The following PPP1R3G variants were observed in gnomAD, a reference collection of about 807,000 sequenced individuals.
PPP1R3G encodes protein phosphatase 1 regulatory subunit 3G, also known as protein phosphatase 1, regulatory (inhibitor) subunit 3G.
PPP1R3G carries 3 observed loss-of-function variants against 2.0 expected under a neutral mutation model. The observed-to-expected ratio is 1.47, with a 90% CI of 0.67 to 3.81. The LOEUF is 3.81. PPP1R3G is among the 30% of genes most tolerant of loss of function. The pLI is 0.02. For missense variants in PPP1R3G, 595 were observed against 517.0 expected, an observed-to-expected ratio of 1.15 and a Z score of -1.46; for synonymous variants, 267 against 250.9, an observed-to-expected ratio of 1.06 and a Z score of -0.61.
rs1487009892 is a variant in PPP1R3G, at chr6:5,085,960, G to C, written c.475G>C (p.Ala159Pro). ...SEAEEPQVPP[A>P]VLSRLRSFPM... ...GGCGGAGGAGCCGCAGGTGCCGCCC[G>C]CCGTGCTCTCGCGCCTCCGAAGCTT... Residue 159 changes from alanine (A) to proline (P), a missense_variant, in exon 1 of 1, where the codon GCC becomes CCC. Ala to Pro is a conservative substitution (Grantham distance 27). Transcript: ENST00000405617. 5 of 1,527,544 alleles carry C rather than the reference G, an allele frequency of 3.3e-6. No individual in the cohort carries two copies. Among genetic ancestry groups the C allele is most frequent in the Non-Finnish European group, 4.4e-6 (5 of 1,143,810 alleles). The allele number at this position is 1,527,544 out of a possible 1,614,324, so 94.6% of individuals were successfully genotyped here.
Position 5,086,332 on chromosome 6 carries a change from G to T in PPP1R3G, c.847G>T (p.Ala283Ser), listed in dbSNP as rs1381591492. The T allele has an allele frequency of 2.0e-6, 3 of 1,535,810 alleles. No individual in the cohort carries two copies. The highest frequency in any genetic ancestry group is 2.6e-6 in the Non-Finnish European group (3 of 1,146,732). Residue 283 changes from alanine (A) to serine (S), a missense_variant, in exon 1 of 1, where the codon GCC becomes TCC. Coordinates refer to ENST00000405617, the MANE Select transcript of PPP1R3G (RefSeq NM_001145115.3). ...ACAGCAGCCAGAGGCACCGTCTGGG[G>T]CCTCCGAGCCAGGGTCCGGGGATGC... ...EPQQPEAPSG[A>S]SEPGSGDAKK...
rs1762041436 is a variant in PPP1R3G, at chr6:5,086,639, C to G, written c.*77C>G. The G allele has an allele frequency of 8.2e-7, 1 of 1,223,042 alleles. No individual in the cohort carries two copies. Among genetic ancestry groups the G allele is most frequent in the Non-Finnish European group, 1.1e-6 (1 of 901,122 alleles). 75.8% of individuals were successfully genotyped at this position (1,223,042 alleles called of 1,614,324 possible). A position where few individuals can be genotyped will look rare whatever the true frequency, so the allele number is the denominator to read the frequency against. On this transcript the variant is annotated 3_prime_UTR_variant, in exon 1 of 1. Coordinates refer to ENST00000405617, the MANE Select transcript of PPP1R3G (RefSeq NM_001145115.3). ...TCGGGCTGCCGCCTCAAGGAACTTG[C>G]TGGGACGCTTTGCTGAGCGTGGCGA... is the stretch of plus-strand genomic sequence containing the variant.
rs747529000 is a variant in PPP1R3G, at chr6:5,086,607, G to A, written c.*45G>A. ...GCCGTGGGGCGGGGTTGATTAGCACGTGGAGCTCGGGCTGCCGCCTCAAGG... is the reference window on the plus strand; with the variant it reads ...GCCGTGGGGCGGGGTTGATTAGCACATGGAGCTCGGGCTGCCGCCTCAAGG... On this transcript the variant is annotated 3_prime_UTR_variant, in exon 1 of 1. Transcript: ENST00000405617. 5.0e-6 allele frequency: 7 copies of A among 1,405,532 alleles called. No individual in the cohort carries two copies. In the East Asian group the frequency reaches 1.8e-4, roughly 35 times the overall value. 87.1% of individuals were successfully genotyped at this position (1,405,532 alleles called of 1,614,324 possible). A position where few individuals can be genotyped will look rare whatever the true frequency, so the allele number is the denominator to read the frequency against.
Position 5,085,987 on chromosome 6 carries a change from C to T in PPP1R3G, c.502C>T (p.Pro168Ser), listed in dbSNP as rs1351141452. 2 of 1,525,776 alleles carry T rather than the reference C, an allele frequency of 1.3e-6. No homozygotes were observed. The allele number at this position is 1,525,776 out of a possible 1,614,324, so 94.5% of individuals were successfully genotyped here. A position where few individuals can be genotyped will look rare whatever the true frequency, so the allele number is the denominator to read the frequency against. ...PAVLSRLRSF[P>S]MRAEDLEQLG... ...CGTGCTCTCGCGCCTCCGAAGCTTC[C>T]CTATGCGTGCCGAGGACCTGGAGCA... Residue 168 changes from proline to serine, a missense_variant, in exon 1 of 1, where the codon CCT (proline) becomes TCT (serine). Physicochemically the swap from Pro to Ser is moderately conservative, Grantham distance 74 (BLOSUM62 -1). Transcript: ENST00000405617.
In PPP1R3G at chr6:5,087,737, GC is replaced by G; in HGVS notation, c.*1176del. The G allele has an allele frequency of 6.6e-6, 1 of 152,596 alleles. No individual in the cohort carries two copies. The highest frequency in any genetic ancestry group is 2.1e-4 in the South Asian group (1 of 4,834). 9.5% of individuals were successfully genotyped at this position (152,596 alleles called of 1,614,324 possible). A position where few individuals can be genotyped will look rare whatever the true frequency, so the allele number is the denominator to read the frequency against. ...TGCGCAGACGCAGATGGCCACCTCT[GC>G]AGGCCCGTTGGGTGGGGTATGGACG... is the stretch of plus-strand genomic sequence containing the variant. On this transcript the variant is annotated 3_prime_UTR_variant, in exon 1 of 1. Coordinates refer to ENST00000405617, the MANE Select transcript of PPP1R3G (RefSeq NM_001145115.3).
Position 5,087,702 on chromosome 6 carries a change from G to A in PPP1R3G, c.*1140G>A, listed in dbSNP as rs1413411259. On this transcript the variant is annotated 3_prime_UTR_variant, in exon 1 of 1. Transcript: ENST00000405617. ...TGATGGAAGAGGAGGCATGCCCAGCGAGTCAGTGCTGCGCAGACGCAGATG... is the reference window on the plus strand; with the variant it reads ...TGATGGAAGAGGAGGCATGCCCAGCAAGTCAGTGCTGCGCAGACGCAGATG... 6.6e-6 allele frequency: 1 copy of A among 152,352 alleles called. No homozygotes were observed. The highest frequency in any genetic ancestry group is 2.4e-5 in the African/African-American group (1 of 41,456). 9.4% of individuals were successfully genotyped at this position (152,352 alleles called of 1,614,324 possible).
In PPP1R3G at chr6:5,085,376, G is replaced by A; in HGVS notation, c.-110G>A. ...TCGAGCCTGGGGCGACTCGCCTCGGGGAGGGCGAGCCTGAACTGCAGCCCT... is the reference window on the plus strand; with the variant it reads ...TCGAGCCTGGGGCGACTCGCCTCGGAGAGGGCGAGCCTGAACTGCAGCCCT... On this transcript the variant is annotated 5_prime_UTR_variant, in exon 1 of 1. Coordinates refer to ENST00000405617, the MANE Select transcript of PPP1R3G (RefSeq NM_001145115.3). 3 of 776,844 alleles carry A rather than the reference G, an allele frequency of 3.9e-6. No homozygotes were observed. 48.1% of individuals were successfully genotyped at this position (776,844 alleles called of 1,614,324 possible). A position where few individuals can be genotyped will look rare whatever the true frequency, so the allele number is the denominator to read the frequency against.
In PPP1R3G at chr6:5,087,547, A is replaced by T. The variant is rs1215355178; in HGVS notation, c.*985A>T. 2 of 152,294 alleles carry T rather than the reference A, an allele frequency of 1.3e-5. No individual in the cohort carries two copies. Among genetic ancestry groups the T allele is most frequent in the Non-Finnish European group, 2.9e-5 (2 of 68,070 alleles). The allele number at this position is 152,294 out of a possible 1,614,324, so 9.4% of individuals were successfully genotyped here. A position where few individuals can be genotyped will look rare whatever the true frequency, so the allele number is the denominator to read the frequency against. On this transcript the variant is annotated 3_prime_UTR_variant, in exon 1 of 1. Coordinates refer to ENST00000405617, the MANE Select transcript of PPP1R3G (RefSeq NM_001145115.3). ...CTTTGTGTAGGCAGAGCACACTGTTAGGAGACTTGCCGGGCCATTAGCAGT... is the reference window on the plus strand; with the variant it reads ...CTTTGTGTAGGCAGAGCACACTGTTTGGAGACTTGCCGGGCCATTAGCAGT...
At position 5,085,760 on chromosome 6, in the gene PPP1R3G, T is replaced by C; in HGVS notation, c.275T>C (p.Ile92Thr). ...ARSFSLPADPILQAAKFLQQQ... is the reference protein window; with the variant it reads ...ARSFSLPADPTLQAAKFLQQQ... ...TCCTTTTCCTTGCCCGCCGACCCCA[T>C]CTTGCAGGCGGCCAAGTTCCTGCAG... Residue 92 changes from isoleucine to threonine, a missense_variant, in exon 1 of 1, where the codon ATC (isoleucine) becomes ACC (threonine). Physicochemically the swap from Ile to Thr is moderately conservative, Grantham distance 89 (BLOSUM62 -1). Transcript: ENST00000405617. The C allele has an allele frequency of 6.5e-7, 1 of 1,537,010 alleles. No homozygotes were observed. The highest frequency in any genetic ancestry group is 2.0e-5 in the Admixed American group (1 of 50,274).
At position 5,085,421 on chromosome 6, in the gene PPP1R3G, A is replaced by T; in HGVS notation, c.-65A>T. On this transcript the variant is annotated 5_prime_UTR_variant, in exon 1 of 1. Transcript: ENST00000405617. ...AGCCCTGCGCTCCTTCCACGGCCCG[A>T]GGAGTTAGTTAAGTCTCCAGAGGGG... 3.3e-6 allele frequency: 4 copies of T among 1,206,804 alleles called. No individual in the cohort carries two copies. Among genetic ancestry groups the T allele is most frequent in the Non-Finnish European group, 4.6e-6 (4 of 874,682 alleles). The allele number at this position is 1,206,804 out of a possible 1,614,324, so 74.8% of individuals were successfully genotyped here. A position where few individuals can be genotyped will look rare whatever the true frequency, so the allele number is the denominator to read the frequency against.
At position 5,086,907 on chromosome 6, in the gene PPP1R3G, C is replaced by G. The variant is rs1762051217; in HGVS notation, c.*345C>G. The G allele has an allele frequency of 2.9e-6, 1 of 347,158 alleles. No homozygotes were observed. The allele number at this position is 347,158 out of a possible 1,614,324, so 21.5% of individuals were successfully genotyped here. A position where few individuals can be genotyped will look rare whatever the true frequency, so the allele number is the denominator to read the frequency against. The stretch of plus-strand genomic sequence containing the variant: ...AAGAAAAAGGCTCCCAACTCCCGGG[C>G]ATGGTTCTAAGGCCTTGGGATTGGT... On this transcript the variant is annotated 3_prime_UTR_variant, in exon 1 of 1. Transcript: ENST00000405617.
Position 5,086,465 on chromosome 6 carries a change from T to C in PPP1R3G, c.980T>C (p.Phe327Ser). 1 of 1,537,116 alleles carries C rather than the reference T, an allele frequency of 6.5e-7. No homozygotes were observed. The highest frequency in any genetic ancestry group is 1.2e-5 in the South Asian group (1 of 84,036). ...GACGAGCGCGGCGTCGCGGTCCACT[T>C]CGCTGTCTGCTACCGCTGCGCGCAG... ...DADERGVAVH[F>S]AVCYRCAQGE... Residue 327 changes from phenylalanine (F) to serine (S), a missense_variant, in exon 1 of 1, where the codon TTC (phenylalanine) becomes TCC (serine). Coordinates refer to ENST00000405617, the MANE Select transcript of PPP1R3G (RefSeq NM_001145115.3).
rs1301244787 is a variant in PPP1R3G at position 5,086,777 on chromosome 6, C to T, written c.*215C>T. The T allele has an allele frequency of 5.2e-6, 3 of 578,620 alleles. No individual in the cohort carries two copies. In the African/African-American group the frequency reaches 5.7e-5, roughly 11 times the overall value. 35.8% of individuals were successfully genotyped at this position (578,620 alleles called of 1,614,324 possible). ...AGCCCGGGCAATGCTCCGAAAGCCT[C>T]TGACCTCAGTCTTCTCGTCCGTTTG... On this transcript the variant is annotated 3_prime_UTR_variant, in exon 1 of 1. Transcript: ENST00000405617.
Position 5,087,788 on chromosome 6 carries a change from G to A in PPP1R3G, c.*1226G>A, listed in dbSNP as rs756880781. 1 of 152,400 alleles carries A rather than the reference G, an allele frequency of 6.6e-6. No individual in the cohort carries two copies. The highest frequency in any genetic ancestry group is 1.5e-5 in the Non-Finnish European group (1 of 68,188). The allele number at this position is 152,400 out of a possible 1,614,324, so 9.4% of individuals were successfully genotyped here. A position where few individuals can be genotyped will look rare whatever the true frequency, so the allele number is the denominator to read the frequency against. Reference sequence around the variant, plus strand: ...GGCCTTGGTCGCTGTGCTGGCTGTGGATGCCAGGATGATGTGGCCCTCTGT... The same window carrying A: ...GGCCTTGGTCGCTGTGCTGGCTGTGAATGCCAGGATGATGTGGCCCTCTGT... On this transcript the variant is annotated 3_prime_UTR_variant, in exon 1 of 1. Coordinates refer to ENST00000405617, the MANE Select transcript of PPP1R3G (RefSeq NM_001145115.3).
chr6:5,086,121 T>G lies in PPP1R3G; in HGVS notation c.636T>G (p.Arg212=), dbSNP rs1445084232. ...QLPGPSAAAE[R]LQRQRVCLER... is the part of the protein sequence containing the mutation. ...CGGGGCCGAGCGCCGCGGCCGAGCG[T>G]CTGCAGCGGCAGCGCGTGTGCCTGG... The change falls in exon 1 of 1, where the codon CGT becomes CGG. Residue 212 remains arginine (R), a synonymous_variant. Transcript: ENST00000405617. The G allele has an allele frequency of 8.8e-6, 13 of 1,471,476 alleles. No homozygotes were observed. The highest frequency in any genetic ancestry group is 3.9e-4 in the Middle Eastern group (2 of 5,138). The allele number at this position is 1,471,476 out of a possible 1,614,324, so 91.2% of individuals were successfully genotyped here. A position where few individuals can be genotyped will look rare whatever the true frequency, so the allele number is the denominator to read the frequency against.
In PPP1R3G at chr6:5,089,305, A is replaced by G. The variant is rs1177383398; in HGVS notation, c.*2743A>G. On this transcript the variant is annotated 3_prime_UTR_variant, in exon 1 of 1. Coordinates refer to ENST00000405617, the MANE Select transcript of PPP1R3G (RefSeq NM_001145115.3). The stretch of plus-strand genomic sequence containing the variant: ...CTGATATACCATTTCTTAAAAGTAC[A>G]TTATTGCATAACCATATTTTTCCGA... The G allele has an allele frequency of 6.6e-6, 1 of 152,242 alleles. No individual in the cohort carries two copies. The highest frequency in any genetic ancestry group is 2.4e-5 in the African/African-American group (1 of 41,466). 9.4% of individuals were successfully genotyped at this position (152,242 alleles called of 1,614,324 possible). A position where few individuals can be genotyped will look rare whatever the true frequency, so the allele number is the denominator to read the frequency against.
Position 5,085,831 on chromosome 6 carries a change from G to C in PPP1R3G, c.346G>C (p.Asp116His), listed in dbSNP as rs1256340551. The C allele has an allele frequency of 2.6e-6, 4 of 1,528,950 alleles. No individual in the cohort carries two copies. Among genetic ancestry groups the C allele is most frequent in the Non-Finnish European group, 3.5e-6 (4 of 1,142,158 alleles). 94.7% of individuals were successfully genotyped at this position (1,528,950 alleles called of 1,614,324 possible). ...GGCACTGGGCGGCGAGGGGGCGGAGGACGCACAGCTCGGCCCGGGCGGCTG... is the reference window on the plus strand; with the variant it reads ...GGCACTGGGCGGCGAGGGGGCGGAGCACGCACAGCTCGGCCCGGGCGGCTG... ...AVALGGEGAEDAQLGPGGCCA... is the reference protein window; with the variant it reads ...AVALGGEGAEHAQLGPGGCCA... Residue 116 changes from aspartate (D) to histidine (H), a missense_variant, in exon 1 of 1, where the codon GAC becomes CAC. By Grantham distance (81) the Asp-to-His change is moderately conservative. Transcript: ENST00000405617.
In PPP1R3G at chr6:5,086,259, C is replaced by T; in HGVS notation, c.774C>T (p.Arg258=). The T allele has an allele frequency of 6.5e-7, 1 of 1,535,594 alleles. No homozygotes were observed. The highest frequency in any genetic ancestry group is 8.7e-7 in the Non-Finnish European group (1 of 1,146,710). The change falls in exon 1 of 1, where the codon CGC becomes CGT. Residue 258 remains arginine, a synonymous_variant. Transcript: ENST00000405617. ...TGCGCTACACCTTTACCGAGTGGCG[C>T]TCCTTCCTGGACGTGCCGGCTGAGC... ...VTVRYTFTEW[R]SFLDVPAELQ...
In PPP1R3G at chr6:5,085,862, C is replaced by T. The variant is rs1457613993; in HGVS notation, c.377C>T (p.Ala126Val). 2.6e-6 allele frequency: 4 copies of T among 1,530,618 alleles called. No homozygotes were observed. In the African/African-American group the frequency reaches 5.5e-5, roughly 21 times the overall value. 94.8% of individuals were successfully genotyped at this position (1,530,618 alleles called of 1,614,324 possible). ...DAQLGPGGCCAKCKKRVQFAD... is the reference protein window; with the variant it reads ...DAQLGPGGCCVKCKKRVQFAD... The stretch of plus-strand genomic sequence containing the variant: ...CAGCTCGGCCCGGGCGGCTGCTGCG[C>T]CAAGTGCAAGAAGCGGGTGCAGTTC... The change falls in exon 1 of 1, where the codon GCC becomes GTC. Residue 126 changes from alanine (A) to valine (V), a missense_variant. Coordinates refer to ENST00000405617, the MANE Select transcript of PPP1R3G (RefSeq NM_001145115.3).
Sources: allele counts gnomAD v4.1 joint callset, GRCh38; gene constraint gnomAD v4.1.1; transcripts MANE v1.5; gene names NCBI Gene and HGNC (gene_info 2026-07-23, HGNC 2026-07-21).